Variants in KPNA1 observed in about 807,000 individuals in gnomAD.
KPNA1 encodes karyopherin subunit alpha 1, also known as importin subunit alpha-5.
Under a neutral mutation model 70.5 loss-of-function variants are expected in KPNA1, and 10 were observed. That is an observed-to-expected ratio of 0.14 (90% CI 0.09 to 0.24). KPNA1 has a LOEUF of 0.24. Among genes scored for constraint, KPNA1 ranks in the 10% least tolerant of loss-of-function variants. KPNA1 has a pLI of 1.00. For missense variants in KPNA1, 397 were observed against 637.9 expected (o/e 0.62, Z 4.07); for synonymous variants, 192 against 221.9 (o/e 0.87, Z 1.20).
At chr3:122,482,911 G>GGGACA (rs2076587815) in intron 2 of KPNA1, 1 of 152,144 alleles carries the variant, frequency 6.6e-6, no homozygotes, top group Admixed American at 6.6e-5. Context: ...GGGATGGGAC[G>GGGACA]GGACAGGACA....
chr3:122,453,544 TG>T (rs1312964360), intron 6 of KPNA1, among the ~76,000 whole-genome samples: 1 of 152,118 alleles, frequency 6.6e-6, no homozygotes, highest in Non-Finnish European at 1.5e-5. Flanking sequence ...TTGTTTGTTT[TG>T]TTTTTTTTGA....
chr3:122,512,814 G>A (rs993931200), intron 1 of KPNA1, among the ~76,000 whole-genome samples: 1 of 152,192 alleles, frequency 6.6e-6, no homozygotes, highest in Non-Finnish European at 1.5e-5. Flanking sequence ...TTTCATAAAT[G>A]TATGTTTTGT....
intron 4 of KPNA1, among the ~76,000 whole-genome samples, chr3:122,463,477 C>T (rs1245246078): frequency 4.7e-5 from 7 of 150,430 alleles, no homozygotes; most frequent in South Asian, 2.1e-4. Context: ...GCCAAGATCG[C>T]GCCCAGCCTG....
At chr3:122,479,868 G>A (rs1417802860) in intron 2 of KPNA1, among the ~76,000 whole-genome samples, 1 of 152,052 alleles carries the variant, frequency 6.6e-6, no homozygotes, top group Non-Finnish European at 1.5e-5. Flanking sequence ...TCCCACAAAT[G>A]TATATAGGAG....
chr3:122,460,364 G>C (rs2076310553), intron 5 of KPNA1: 1 of 977,724 alleles, frequency 1.0e-6, no homozygotes, highest in African/African-American at 1.8e-5. Context: ...TTGGCTGGGA[G>C]CAGTGGCTCA....
At chr3:122,509,722 G>C (rs1182183276) in intron 1 of KPNA1, among the ~76,000 whole-genome samples, 2 of 152,128 alleles carry the variant, frequency 1.3e-5, no homozygotes, top group African/African-American at 2.4e-5. Flanking sequence ...AACAGAAGTA[G>C]GGCTCAGAAA....
At chr3:122,486,026 C>G (rs1469586173) in intron 2 of KPNA1, among the ~76,000 whole-genome samples, 2 of 152,124 alleles carry the variant, frequency 1.3e-5, no homozygotes, top group African/African-American at 4.8e-5. Flanking sequence ...TTGTACACTG[C>G]TCATGGGAAG....
intron 9 of KPNA1, 29 bp downstream of exon 9, chr3:122,449,545 G>C: frequency 6.3e-7 from 1 of 1,581,954 alleles, no homozygotes; most frequent in Non-Finnish European, 8.6e-7. Flanking sequence ...GGGAGAGAAA[G>C]TGGACACACT....
intron 2 of KPNA1, among the ~76,000 whole-genome samples, chr3:122,472,138 C>T (rs7617042): frequency 0.14 from 21,215 of 152,040 alleles, 1,585 homozygotes; most frequent in East Asian, 0.32. Flanking sequence ...TAACAGAATA[C>T]ACATTTTTAC....
At position 122,426,560 on chromosome 3, in the gene KPNA1, G is replaced by A. The variant is rs542633344; in HGVS notation, c.*425C>T. On this transcript the variant is annotated 3_prime_UTR_variant, in exon 14 of 14. Coordinates refer to ENST00000344337, the MANE Select transcript of KPNA1 (RefSeq NM_002264.4). ...AACAGGTCTAAACATCTCCCTTGTC[G>A]TAAGTAGTTGTGTAAAATTCAAGAT... The A allele has an allele frequency of 2.5e-5, 4 of 157,252 alleles. No homozygotes were observed. Among genetic ancestry groups the A allele is most frequent in the East Asian group, 1.9e-4 (1 of 5,302 alleles). 9.7% of individuals were successfully genotyped at this position (157,252 alleles called of 1,614,324 possible). A position where few individuals can be genotyped will look rare whatever the true frequency, so the allele number is the denominator to read the frequency against.
At chr3:122,473,322 G>A (rs2076463796) in intron 2 of KPNA1, among the ~76,000 whole-genome samples, 1 of 152,160 alleles carries the variant, frequency 6.6e-6, no homozygotes, top group Admixed American at 6.5e-5. Flanking sequence ...TACCCATTCT[G>A]TACCATCTCC....
intron 12 of KPNA1, among the ~76,000 whole-genome samples, chr3:122,432,074 T>A (rs529344733): frequency 6.6e-6 from 1 of 152,356 alleles, no homozygotes; most frequent in South Asian, 2.1e-4. Flanking sequence ...AGTGGTGGGA[T>A]TACAGACATG....
intron 1 of KPNA1, 77 bp from the exon 2 acceptor site, chr3:122,496,647 C>T (rs910281361): frequency 1.9e-5 from 25 of 1,325,742 alleles, no homozygotes; most frequent in Non-Finnish European, 2.6e-5. Flanking sequence ...GTCTTTTAAA[C>T]ATATACATGC....
chr3:122,505,047 A>G (rs1258213195), intron 1 of KPNA1, among the ~76,000 whole-genome samples: 1 of 151,968 alleles, frequency 6.6e-6, no homozygotes, highest in East Asian at 1.9e-4. Context: ...CACACCAGTA[A>G]TCCCATCACT....
chr3:122,465,334 C>A (rs1416611141), intron 3 of KPNA1, among the ~76,000 whole-genome samples: 1 of 152,170 alleles, frequency 6.6e-6, no homozygotes, highest in Non-Finnish European at 1.5e-5. Flanking sequence ...CATTGCCTAG[C>A]CTAGCCTACC....
intron 5 of KPNA1, among the ~76,000 whole-genome samples, chr3:122,457,395 A>G (rs530958734): frequency 3.1e-4 from 21 of 66,920 alleles, no homozygotes; most frequent in Admixed American, 6.0e-4. Flanking sequence ...TTAACCTGGG[A>G]AAAAAAAAAA....
chr3:122,500,114 TTTG>T (rs533402378), intron 1 of KPNA1, among the ~76,000 whole-genome samples: 30 of 151,966 alleles, frequency 2.0e-4, no homozygotes, highest in African/African-American at 6.8e-4. Flanking sequence ...CAACTGTTTT[TTTG>T]TTGTTGTTGT....
intron 2 of KPNA1, among the ~76,000 whole-genome samples, chr3:122,492,417 T>A (rs1407064361): frequency 6.6e-6 from 1 of 152,148 alleles, no homozygotes; most frequent in East Asian, 1.9e-4. Flanking sequence ...TACAGAAATA[T>A]AATGAAAGCC....
At chr3:122,458,600 A>C (rs566549568) in intron 5 of KPNA1, among the ~76,000 whole-genome samples, 1 of 152,200 alleles carries the variant, frequency 6.6e-6, no homozygotes, top group African/African-American at 2.4e-5. Context: ...ACATAGCATG[A>C]CTCTCCTTCT....
Sources: gnomAD v4.1 joint callset for allele counts (sites outside exome capture counted in the v4.1 genomes callset) on GRCh38, gnomAD v4.1.1 for gene constraint, MANE v1.5 for transcripts, NCBI Gene and HGNC (gene_info 2026-07-23, HGNC 2026-07-21) for gene names.